Variants in CSMD1 observed in about 807,000 individuals in gnomAD.
CSMD1 encodes the protein CUB and sushi domain-containing protein 1.
CSMD1 carries 213 observed loss-of-function variants against 417.5 expected under a neutral mutation model. The ratio of observed to expected loss-of-function variants is 0.51; its 90% CI spans 0.46 to 0.57. The LOEUF (loss-of-function observed/expected upper bound fraction) is 0.57. Among genes scored for constraint, CSMD1 ranks in the 20% least tolerant of loss-of-function variants. The pLI is 0.00. For synonymous variants in CSMD1, 2,862 were observed against 1,736.8 expected, an observed-to-expected ratio of 1.65 and a Z score of -16.11; for missense variants, 6,923 against 4,529.7, an observed-to-expected ratio of 1.53 and a Z score of -15.17.
intron 2 of CSMD1, among the ~76,000 whole-genome samples, chr8:4,438,034 C>CA (rs1798247293): frequency 2.6e-5 from 4 of 152,104 alleles, no homozygotes. Context: ...GGAATACTTC[C>CA]AAGCCTCTTA....
intron 37 of CSMD1, among the ~76,000 whole-genome samples, chr8:3,169,510 G>A (rs1457889906): frequency 2.6e-5 from 4 of 152,080 alleles, no homozygotes; most frequent in African/African-American, 4.8e-5. Context: ...GTTGCCTAGG[G>A]CTAGGAGTAG....
intron 5 of CSMD1, among the ~76,000 whole-genome samples, chr8:3,876,792 T>C (rs1408947723): frequency 1.3e-5 from 2 of 152,152 alleles, no homozygotes; most frequent in African/African-American, 4.8e-5. Context: ...AAAAATTTTT[T>C]GTAGAAACGA....
chr8:4,969,523 G>C (rs902978087), intron 1 of CSMD1, among the ~76,000 whole-genome samples: 1 of 151,220 alleles, frequency 6.6e-6, no homozygotes, highest in Admixed American at 6.6e-5. Flanking sequence ...CCAAGTAGAA[G>C]ACAGGCCAGT....
chr8:3,705,256 G>A (rs1250291934), intron 7 of CSMD1, among the ~76,000 whole-genome samples: 1 of 152,192 alleles, frequency 6.6e-6, no homozygotes, highest in Non-Finnish European at 1.5e-5. Context: ...GGACATGAAC[G>A]CACAAGGTCA....
At chr8:3,570,729 T>C (rs1003520162) in intron 10 of CSMD1, among the ~76,000 whole-genome samples, 7 of 152,172 alleles carry the variant, frequency 4.6e-5, no homozygotes, top group Non-Finnish European at 8.8e-5. Context: ...AAATACCCTA[T>C]GGAGGTAGAA....
intron 10 of CSMD1, among the ~76,000 whole-genome samples, chr8:3,511,567 C>G (rs1797068469): frequency 6.6e-6 from 1 of 151,292 alleles, no homozygotes; most frequent in Non-Finnish European, 1.5e-5. Flanking sequence ...TCAGCCCGGC[C>G]AAAATGGTGA....
chr8:4,742,598 A>G (rs950906263), intron 1 of CSMD1, among the ~76,000 whole-genome samples: 9 of 152,146 alleles, frequency 5.9e-5, no homozygotes, highest in African/African-American at 1.9e-4. Flanking sequence ...ATTATTTGTA[A>G]GTTGAATTCC....
intron 5 of CSMD1, among the ~76,000 whole-genome samples, chr8:3,970,822 T>A (rs2627452): frequency 1.7e-3 from 265 of 152,016 alleles, no homozygotes; most frequent in African/African-American, 6.1e-3. Context: ...GCACCATCTG[T>A]CTCACTGCAA....
At chr8:4,248,081 C>G (rs1338305260) in intron 3 of CSMD1, among the ~76,000 whole-genome samples, 2 of 151,922 alleles carry the variant, frequency 1.3e-5, no homozygotes, top group African/African-American at 4.8e-5. Flanking sequence ...AAGGAACTTT[C>G]TTCTGAAATT....
chr8:3,167,648 A>T (rs972035124), intron 37 of CSMD1, among the ~76,000 whole-genome samples: 4 of 152,222 alleles, frequency 2.6e-5, no homozygotes, highest in African/African-American at 9.6e-5. Context: ...TAGCAAGAGA[A>T]GTTTTTAAAC....
chr8:3,803,810 G>A (rs965390687), intron 5 of CSMD1, among the ~76,000 whole-genome samples: 4 of 152,180 alleles, frequency 2.6e-5, no homozygotes, highest in Admixed American at 6.5e-5. Context: ...ACTATGTGGA[G>A]AATGGACCAC....
intron 3 of CSMD1, among the ~76,000 whole-genome samples, chr8:4,091,130 G>A (rs1186416443): frequency 2.0e-5 from 3 of 151,940 alleles, no homozygotes; most frequent in African/African-American, 7.3e-5. Flanking sequence ...TTTTGGCCAG[G>A]CTGGTCTCGA....
chr8:4,705,411 G>C (rs141482431), intron 1 of CSMD1, among the ~76,000 whole-genome samples: 2 of 152,160 alleles, frequency 1.3e-5, no homozygotes, highest in African/African-American at 4.8e-5. Context: ...GTCATCCAAA[G>C]ACACAAAACC....
chr8:3,369,194 T>C (rs941174047), intron 19 of CSMD1, 60 bp downstream of exon 19: 1 of 801,660 alleles, frequency 1.2e-6, no homozygotes, highest in Non-Finnish European at 2.1e-6. Flanking sequence ...TTTTGTTTTG[T>C]TCCCGTTTTT....
rs1308235165 is a variant in CSMD1 at position 4,266,889 on chromosome 8, T to G, written c.415+153064A>C. On this transcript the variant is annotated intron_variant, in intron 3 of 69. Transcript: ENST00000635120. ...AACATATTAATTCAACGTGTTAAGATGGAAGAAGAAACAAACTGATTAATA... is the reference window on the plus strand; with the variant it reads ...AACATATTAATTCAACGTGTTAAGAGGGAAGAAGAAACAAACTGATTAATA... Among the ~76,000 whole-genome samples the G allele has an allele frequency of 3.1e-4, 32 of 104,322 alleles. 5 individuals are homozygous for G. The highest frequency in any genetic ancestry group is 7.3e-4 in the African/African-American group (28 of 38,334). 68.4% of individuals were successfully genotyped at this position (104,322 alleles called of 152,430 possible). A position where few individuals can be genotyped will look rare whatever the true frequency, so the allele number is the denominator to read the frequency against.
intron 5 of CSMD1, among the ~76,000 whole-genome samples, chr8:3,877,751 C>G (rs529799370): frequency 1.3e-5 from 2 of 152,258 alleles, no homozygotes; most frequent in Admixed American, 6.5e-5. Context: ...TAATAATTCA[C>G]TTTGATATGT....
At chr8:3,371,185 G>C (rs1809923044) in intron 18 of CSMD1, among the ~76,000 whole-genome samples, 1 of 152,090 alleles carries the variant, frequency 6.6e-6, no homozygotes, top group Non-Finnish European at 1.5e-5. Context: ...GGCAGATCTT[G>C]GGACCTTTTG....
intron 3 of CSMD1, among the ~76,000 whole-genome samples, chr8:4,367,237 G>T (rs1260871735): frequency 6.6e-6 from 1 of 152,054 alleles, no homozygotes; most frequent in Non-Finnish European, 1.5e-5. Flanking sequence ...TGTAAGGAAG[G>T]GGTCCAGTCT....
intron 5 of CSMD1, among the ~76,000 whole-genome samples, chr8:3,807,342 G>C (rs1258273264): frequency 1.3e-5 from 2 of 152,120 alleles, no homozygotes; most frequent in African/African-American, 2.4e-5. Context: ...AAAGAGAAAA[G>C]TAATAGAAAG....
Sources: allele counts gnomAD v4.1 joint callset (sites outside exome capture counted in the v4.1 genomes callset), GRCh38; gene constraint gnomAD v4.1.1; transcripts MANE v1.5; gene names NCBI Gene and HGNC (gene_info 2026-07-23, HGNC 2026-07-21).